Variants in CCDC60 observed in about 807,000 individuals in gnomAD.
The protein encoded by CCDC60 is coiled-coil domain containing 60.
A neutral mutation model predicts 63.5 loss-of-function variants in CCDC60; 54 were observed. The ratio of observed to expected loss-of-function variants is 0.85; its 90% confidence interval spans 0.68 to 1.07. The LOEUF is 1.07. Among genes scored for constraint, CCDC60 ranks in the 50% least tolerant of loss-of-function variants. CCDC60 has a pLI of 0.00. For missense variants in CCDC60, 651 were observed against 684.3 expected (o/e 0.95, Z 0.54); for synonymous variants, 206 against 238.8 (o/e 0.86, Z 1.27).
intron 1 of CCDC60, among the ~76,000 whole-genome samples, chr12:119,337,808 ATGTGTGTGTGTGTATTTGTG>A (rs1388273054): frequency 4.6e-4 from 63 of 138,100 alleles, no homozygotes; most frequent in African/African-American, 1.6e-3. Context: ...AGATTCACGC[ATGTGTGTGTGTGTATTTGTG>A]TGTGTGTGTG....
chr12:119,530,208 G>T (rs1310464975), intron 12 of CCDC60, among the ~76,000 whole-genome samples: 1 of 150,896 alleles, frequency 6.6e-6, no homozygotes, highest in Admixed American at 6.6e-5. Context: ...TATAATGGAT[G>T]ATCAGTTACA....
chr12:119,387,961 T>C (rs957534769), intron 1 of CCDC60: 9 of 152,348 alleles, frequency 5.9e-5, no homozygotes, highest in Middle Eastern at 6.8e-3. Context: ...AAGATACTTT[T>C]GGCTGCAAAT....
At chr12:119,514,294 A>G (rs1185839126) in intron 7 of CCDC60, among the ~76,000 whole-genome samples, 4 of 150,368 alleles carry the variant, frequency 2.7e-5, no homozygotes, top group African/African-American at 9.8e-5. Flanking sequence ...TTCCTGCCTC[A>G]GCCTCCCAAG....
intron 4 of CCDC60, among the ~76,000 whole-genome samples, chr12:119,480,462 G>T (rs1027957551): frequency 2.6e-5 from 4 of 152,136 alleles, no homozygotes; most frequent in African/African-American, 7.2e-5. Context: ...AAGAGTAAAA[G>T]AATACAAGAG....
intron 7 of CCDC60, among the ~76,000 whole-genome samples, chr12:119,515,014 T>A (rs1952317959): frequency 6.6e-6 from 1 of 152,234 alleles, no homozygotes; most frequent in South Asian, 2.1e-4. Flanking sequence ...AAAAATAAGC[T>A]GTATATACCA....
At chr12:119,353,598 C>CTTCTTT (rs1955683032) in intron 1 of CCDC60, among the ~76,000 whole-genome samples, 2 of 68,204 alleles carry the variant, frequency 2.9e-5, no homozygotes, top group African/African-American at 1.1e-4. Flanking sequence ...TCTTCTTCTT[C>CTTCTTT]TTTTTTTTTT....
chr12:119,370,877 A>G (rs1222017837), intron 1 of CCDC60, among the ~76,000 whole-genome samples: 1 of 152,022 alleles, frequency 6.6e-6, no homozygotes, highest in East Asian at 1.9e-4. Context: ...AATATTTTCA[A>G]AAAACTTAGC....
chr12:119,512,847 C>T (rs1408886618), intron 7 of CCDC60, among the ~76,000 whole-genome samples: 1 of 152,232 alleles, frequency 6.6e-6, no homozygotes, highest in Non-Finnish European at 1.5e-5. Context: ...CAGTAGTTGG[C>T]TGTCATAGTT....
At chr12:119,491,053 TATAAAC>T (rs1291665300) in intron 5 of CCDC60, among the ~76,000 whole-genome samples, 1 of 152,250 alleles carries the variant, frequency 6.6e-6, no homozygotes, top group African/African-American at 2.4e-5. Context: ...GCCTTCCTTT[TATAAAC>T]ATAAACAGTC....
At chr12:119,507,581 C>T (rs577711788) in intron 7 of CCDC60, among the ~76,000 whole-genome samples, 11 of 27,322 alleles carry the variant, frequency 4.0e-4, no homozygotes, top group African/African-American at 1.0e-3. Context: ...TATATATACA[C>T]ATATATATAC....
chr12:119,496,228 T>C (rs1416845355), intron 5 of CCDC60, among the ~76,000 whole-genome samples: 1 of 152,194 alleles, frequency 6.6e-6, no homozygotes, highest in Non-Finnish European at 1.5e-5. Context: ...GCCTACAGCT[T>C]TCCACCCTGG....
intron 1 of CCDC60, among the ~76,000 whole-genome samples, chr12:119,407,929 A>G (rs561507933): frequency 1.3e-5 from 2 of 152,350 alleles, no homozygotes; most frequent in East Asian, 3.9e-4. Context: ...GTTTACAACC[A>G]AGTCATGCCC....
intron 7 of CCDC60, among the ~76,000 whole-genome samples, chr12:119,516,120 T>A (rs1195422536): frequency 1.3e-5 from 2 of 152,188 alleles, no homozygotes; most frequent in Admixed American, 1.3e-4. Context: ...ATTGTTATTA[T>A]TTTGATTCAG....
At chr12:119,386,848 C>T (rs912154770) in intron 1 of CCDC60, among the ~76,000 whole-genome samples, 35 of 152,172 alleles carry the variant, frequency 2.3e-4, no homozygotes, top group African/African-American at 8.4e-4. Flanking sequence ...AAGCCTCTCT[C>T]CTTTGGAAGG....
At chr12:119,434,962 C>T (rs1279150394) in intron 2 of CCDC60, among the ~76,000 whole-genome samples, 1 of 152,198 alleles carries the variant, frequency 6.6e-6, no homozygotes, top group Admixed American at 6.5e-5. Flanking sequence ...AAAAGAGCAT[C>T]ACATCCACTG....
rs113075578 is a variant in CCDC60, at chr12:119,432,021, C to T, written c.170+3259C>T. On this transcript the variant is annotated intron_variant, in intron 2 of 13. Coordinates refer to ENST00000327554, the MANE Select transcript of CCDC60 (RefSeq NM_178499.5). Reference sequence around the variant, plus strand: ...AAACTAAGTTCCTCCAAAGTTAGTTCAGCTTACGCCCAGGAATGAACAATG... The same window carrying T: ...AAACTAAGTTCCTCCAAAGTTAGTTTAGCTTACGCCCAGGAATGAACAATG... Among the ~76,000 whole-genome samples the T allele has an allele frequency of 9.3e-3, 1,424 of 152,312 alleles. 31 individuals are homozygous for T. The highest frequency in any genetic ancestry group is 0.031 in the African/African-American group (1,301 of 41,566).
intron 1 of CCDC60, among the ~76,000 whole-genome samples, chr12:119,383,585 G>A (rs1168246108): frequency 6.6e-6 from 1 of 152,226 alleles, no homozygotes; most frequent in Non-Finnish European, 1.5e-5. Flanking sequence ...AGCCAGGATA[G>A]AGAAAGAATA....
At chr12:119,351,557 G>C (rs1955656819) in intron 1 of CCDC60, among the ~76,000 whole-genome samples, 1 of 152,196 alleles carries the variant, frequency 6.6e-6, no homozygotes, top group Admixed American at 6.5e-5. Flanking sequence ...GGCAGGAGCA[G>C]GACCCAGAGA....
At chr12:119,478,163 A>G (rs1392748078) in intron 3 of CCDC60, among the ~76,000 whole-genome samples, 2 of 152,008 alleles carry the variant, frequency 1.3e-5, no homozygotes, top group African/African-American at 4.8e-5. Context: ...AAAATACAAA[A>G]AAGTAGCCAG....
Sources: allele counts gnomAD v4.1 joint callset (sites outside exome capture counted in the v4.1 genomes callset), GRCh38; gene constraint gnomAD v4.1.1; transcripts MANE v1.5; gene names NCBI Gene and HGNC (gene_info 2026-07-23, HGNC 2026-07-21).